UGT1A8: variants seen among roughly 807,000 people sequenced by gnomAD.
UGT1A8 encodes the protein UDP glucuronosyltransferase family 1 member A8.
Under a neutral mutation model 45.3 loss-of-function variants are expected in UGT1A8, and 39 were observed. The observed-to-expected ratio is 0.86, with a 90% CI of 0.67 to 1.12. The LOEUF (loss-of-function observed/expected upper bound fraction) is 1.12, where lower values mean the gene tolerates loss of function less well. Ranked by LOEUF, UGT1A8 falls within the 50% of genes most tolerant of loss-of-function variation. The pLI is 0.00. For synonymous variants in UGT1A8, 275 were observed against 249.2 expected (o/e 1.10, Z -0.97); for missense variants, 719 against 664.9 (o/e 1.08, Z -0.90).
Position 233,617,776 on chromosome 2 carries a change from T to G in UGT1A8, c.69T>G (p.Ala23=), listed in dbSNP as rs146937754. 1.8e-5 allele frequency: 29 copies of G among 1,614,102 alleles called. No individual in the cohort carries two copies. The East Asian group carries it at 4.0e-4, about 22-fold the overall frequency. The change falls in exon 1 of 5, where the codon GCT becomes GCG. Residue 23 remains alanine, a synonymous_variant. Coordinates refer to ENST00000373450, the MANE Select transcript of UGT1A8 (RefSeq NM_019076.5). ...CTCTGCTGCTGACCTGTGGCTTTGCTGAGGCAGGGAAGCTGCTGGTAGTGC... is the reference window on the plus strand; with the variant it reads ...CTCTGCTGCTGACCTGTGGCTTTGCGGAGGCAGGGAAGCTGCTGGTAGTGC... ...CVSLLLTCGF[A]EAGKLLVVPM...
At chr2:233,691,409 G>A in intron 1 of UGT1A8, 1 of 985,558 alleles carries the variant, frequency 1.0e-6, no homozygotes, top group Non-Finnish European at 1.2e-6. Context: ...TGTCCTTGGA[G>A]TGGCCCCTCT....
At chr2:233,743,177 G>A (rs1692221574) in intron 1 of UGT1A8, 2 of 366,924 alleles carry the variant, frequency 5.5e-6, no homozygotes. Context: ...AAAGTCAAAT[G>A]TGGACTGGAA....
At chr2:233,728,657 C>A (rs541048622) in intron 1 of UGT1A8, among the ~76,000 whole-genome samples, 28 of 152,298 alleles carry the variant, frequency 1.8e-4, no homozygotes, top group African/African-American at 6.5e-4. Flanking sequence ...TTTGGATGCG[C>A]TGCGTTACTC....
chr2:233,702,368 C>T (rs1045977241), intron 1 of UGT1A8, among the ~76,000 whole-genome samples: 12 of 151,930 alleles, frequency 7.9e-5, no homozygotes, highest in African/African-American at 2.2e-4. Context: ...TAGTGGATTT[C>T]GTAGGATTTT....
At chr2:233,732,404 T>C (rs956543939) in intron 1 of UGT1A8, among the ~76,000 whole-genome samples, 10 of 152,268 alleles carry the variant, frequency 6.6e-5, no homozygotes, top group African/African-American at 2.2e-4. Flanking sequence ...GCCTAAATGA[T>C]ATTGCCTAGG....
intron 1 of UGT1A8, among the ~76,000 whole-genome samples, chr2:233,744,313 G>A (rs1203522735): frequency 6.6e-6 from 1 of 151,838 alleles, no homozygotes; most frequent in Non-Finnish European, 1.5e-5. Context: ...GAGGGAAGAG[G>A]GTGGTGGGAG....
intron 1 of UGT1A8, among the ~76,000 whole-genome samples, chr2:233,699,882 A>T (rs1053068839): frequency 4.6e-5 from 7 of 152,168 alleles, no homozygotes; most frequent in African/African-American, 1.7e-4. Context: ...TGGTGTTGCA[A>T]TTGGAGAGGC....
chr2:233,642,472 C>T (rs1350590025), intron 1 of UGT1A8, among the ~76,000 whole-genome samples: 6 of 152,218 alleles, frequency 3.9e-5, no homozygotes, highest in Non-Finnish European at 1.5e-5. Flanking sequence ...TTTGAATTCT[C>T]TGTCTGAAAG....
At chr2:233,747,945 G>C in intron 1 of UGT1A8, 1 of 1,613,482 alleles carries the variant, frequency 6.2e-7, no homozygotes, top group African/African-American at 1.3e-5. Flanking sequence ...GGAGGTGTCA[G>C]TGGTGGATCT....
chr2:233,661,676 T>TTTCTTTCTTTCA (rs2073972076), intron 1 of UGT1A8, among the ~76,000 whole-genome samples: 1 of 149,432 alleles, frequency 6.7e-6, no homozygotes, highest in Admixed American at 6.8e-5. Context: ...TCTTTCTTTC[T>TTTCTTTCTTTCA]TTCTTTTTAA....
chr2:233,670,351 A>G (rs1006758558), intron 1 of UGT1A8, among the ~76,000 whole-genome samples: 3 of 152,168 alleles, frequency 2.0e-5, no homozygotes, highest in African/African-American at 4.8e-5. Flanking sequence ...AACTTTACAG[A>G]ATTACATCAT....
intron 1 of UGT1A8, among the ~76,000 whole-genome samples, chr2:233,717,616 G>A (rs555691364): frequency 2.6e-5 from 4 of 152,224 alleles, no homozygotes; most frequent in African/African-American, 9.6e-5. Context: ...ACAGCCCAGA[G>A]AGCCTGCCCA....
chr2:233,714,888 A>G (rs529971847), intron 1 of UGT1A8, among the ~76,000 whole-genome samples: 65 of 151,904 alleles, frequency 4.3e-4, no homozygotes, highest in Admixed American at 3.0e-3. Context: ...AAATTTTTCT[A>G]TCTTTTGAGA....
At chr2:233,708,809 C>G (rs1241028873) in intron 1 of UGT1A8, 1 of 151,950 alleles carries the variant, frequency 6.6e-6, no homozygotes, top group African/African-American at 2.4e-5. Flanking sequence ...GGCAACTTCC[C>G]CAAATTCTTG....
chr2:233,627,951 A>T (rs1360953067), intron 1 of UGT1A8, among the ~76,000 whole-genome samples: 5 of 152,032 alleles, frequency 3.3e-5, no homozygotes, highest in Non-Finnish European at 5.9e-5. Context: ...TCTGACATGC[A>T]ATTTATTGGA....
chr2:233,763,429 C>G (rs192488384), intron 1 of UGT1A8, among the ~76,000 whole-genome samples: 230 of 152,268 alleles, frequency 1.5e-3, no homozygotes, highest in South Asian at 0.014. Context: ...CAGGCAGTTG[C>G]TTTAATAAGT....
intron 1 of UGT1A8, among the ~76,000 whole-genome samples, chr2:233,765,026 C>T (rs2741015): frequency 2.6e-5 from 4 of 151,980 alleles, no homozygotes; most frequent in Admixed American, 2.0e-4. Context: ...TGGCAGGAGT[C>T]CTGCTGTGCA....
intron 1 of UGT1A8, among the ~76,000 whole-genome samples, chr2:233,757,699 C>A (rs572469741): frequency 4.0e-5 from 6 of 151,562 alleles, no homozygotes; most frequent in Non-Finnish European, 8.8e-5. Context: ...AGGAAGGTGG[C>A]TTTGCTTCCC....
In UGT1A8 at chr2:233,768,367, T is replaced by C; in HGVS notation, c.1223T>C (p.Val408Ala). 6.2e-7 allele frequency: 1 copy of C among 1,614,082 alleles called. No individual in the cohort carries two copies. The highest frequency in any genetic ancestry group is 8.5e-7 in the Non-Finnish European group (1 of 1,180,022). The change falls in exon 4 of 5, where the codon GTG (valine) becomes GCG (alanine). Residue 408 changes from valine to alanine, a missense_variant. Val to Ala is a moderately conservative substitution (Grantham distance 64). Transcript: ENST00000373450. The stretch of plus-strand genomic sequence containing the variant: ...CGCATGGAGACTAAGGGAGCTGGAG[T>C]GACCCTGAATGTTCTGGAAATGACT... ...AKRMETKGAG[V>A]TLNVLEMTSE...
Sources: allele counts gnomAD v4.1 joint callset (sites outside exome capture counted in the v4.1 genomes callset), GRCh38; gene constraint gnomAD v4.1.1; transcripts MANE v1.5; gene names NCBI Gene and HGNC (gene_info 2026-07-23, HGNC 2026-07-21).